Variants in CMSS1 observed in about 807,000 individuals in gnomAD.
The protein encoded by CMSS1 is cms1 ribosomal small subunit homolog.
Under a neutral mutation model 43.5 loss-of-function variants are expected in CMSS1, and 33 were observed. The observed-to-expected ratio is 0.76, with a 90% CI of 0.57 to 1.01. The LOEUF (loss-of-function observed/expected upper bound fraction) is 1.01, where lower values mean the gene tolerates loss of function less well. Ranked by LOEUF, CMSS1 falls within the 50% of genes least tolerant of loss-of-function variation. CMSS1 has a pLI of 0.00. For missense variants in CMSS1, 313 were observed against 326.4 expected (o/e 0.96, Z 0.32); for synonymous variants, 115 against 117.2 (o/e 0.98, Z 0.12).
rs115196941 is a variant in CMSS1 at position 100,000,869 on chromosome 3, A to G, written c.65-146104A>G. Among the ~76,000 whole-genome samples, 664 of 152,374 alleles carry G rather than the reference A, an allele frequency of 4.4e-3. 7 individuals carry two copies. Among genetic ancestry groups the G allele is most frequent in the African/African-American group, 0.016 (651 of 41,584 alleles). On this transcript the variant is annotated intron_variant, in intron 1 of 9. Coordinates refer to ENST00000421999, the MANE Select transcript of CMSS1 (RefSeq NM_032359.4). ...GAACACTTTAACAAATATATTACTC[A>G]GTAACTATGTTGTATATAAATGTGT...
chr3:100,055,133 C>T (rs2065442860), intron 1 of CMSS1, among the ~76,000 whole-genome samples: 1 of 152,200 alleles, frequency 6.6e-6, no homozygotes, highest in African/African-American at 2.4e-5. Context: ...CCCTTCAGAA[C>T]ATTCTCAGCA....
intron 1 of CMSS1, chr3:99,924,298 C>G: frequency 6.2e-7 from 1 of 1,614,056 alleles, no homozygotes; most frequent in South Asian, 1.1e-5. Flanking sequence ...TATGTTTTCT[C>G]TTTTCTTCCT....
chr3:100,017,860 C>A (rs996936120), intron 1 of CMSS1, among the ~76,000 whole-genome samples: 2 of 152,196 alleles, frequency 1.3e-5, no homozygotes, highest in Non-Finnish European at 1.5e-5. Context: ...CATCAGCTTT[C>A]TATTTCTCAG....
At chr3:99,959,183 C>A (rs1022222576) in intron 1 of CMSS1, among the ~76,000 whole-genome samples, 1 of 152,214 alleles carries the variant, frequency 6.6e-6, no homozygotes, top group Non-Finnish European at 1.5e-5. Context: ...GAGTCTCACT[C>A]TCTTGCCCAG....
At chr3:99,955,842 TC>T (rs1376745024) in intron 1 of CMSS1, among the ~76,000 whole-genome samples, 1 of 152,152 alleles carries the variant, frequency 6.6e-6, no homozygotes, top group African/African-American at 2.4e-5. Context: ...TTACAGATAT[TC>T]CCCCTCCAGG....
intron 1 of CMSS1, among the ~76,000 whole-genome samples, chr3:100,107,877 T>C (rs1417556913): frequency 7.7e-6 from 1 of 130,060 alleles, no homozygotes; most frequent in Non-Finnish European, 1.6e-5. Flanking sequence ...GCAAGAGAAT[T>C]AAAAAAAAAA....
chr3:100,149,778 C>T (rs1559772144), intron 2 of CMSS1, among the ~76,000 whole-genome samples: 3 of 152,162 alleles, frequency 2.0e-5, no homozygotes, highest in Admixed American at 6.5e-5. Context: ...TTAATTGGCA[C>T]TCATTATTTG....
chr3:100,180,803 G>C lies in CMSS1; in HGVS notation c.*2415G>C, dbSNP rs1448803046. 1 of 152,076 alleles carries C rather than the reference G, an allele frequency of 6.6e-6. No homozygotes were observed. Among genetic ancestry groups the C allele is most frequent in the Non-Finnish European group, 1.5e-5 (1 of 68,006 alleles). 9.4% of individuals were successfully genotyped at this position (152,076 alleles called of 1,614,324 possible). On this transcript the variant is annotated 3_prime_UTR_variant, in exon 10 of 10. Transcript: ENST00000421999. ...ATTTTTTAGGTATCTTTATAGAAATGTCCCACTTCTCTGGTACCAATTTTT... is the reference window on the plus strand; with the variant it reads ...ATTTTTTAGGTATCTTTATAGAAATCTCCCACTTCTCTGGTACCAATTTTT...
chr3:99,991,292 C>G (rs1011824193), intron 1 of CMSS1, among the ~76,000 whole-genome samples: 1 of 152,142 alleles, frequency 6.6e-6, no homozygotes, highest in Non-Finnish European at 1.5e-5. Flanking sequence ...TGAGGCCTAC[C>G]TGCAGGGGCA....
intron 1 of CMSS1, among the ~76,000 whole-genome samples, chr3:100,069,733 G>C (rs910127333): frequency 6.6e-6 from 1 of 152,170 alleles, no homozygotes; most frequent in Non-Finnish European, 1.5e-5. Flanking sequence ...TGTTTTGACA[G>C]ATCTCTTTTC....
At chr3:100,151,100 C>A (rs1048215539) in intron 2 of CMSS1, among the ~76,000 whole-genome samples, 1 of 152,142 alleles carries the variant, frequency 6.6e-6, no homozygotes, top group Non-Finnish European at 1.5e-5. Flanking sequence ...CTTTATTTGA[C>A]CATTGGTCAT....
intron 1 of CMSS1, among the ~76,000 whole-genome samples, chr3:99,827,905 C>T (rs755898209): frequency 1.3e-5 from 2 of 152,138 alleles, no homozygotes; most frequent in Non-Finnish European, 2.9e-5. Context: ...TGCCTGGCTT[C>T]TACCTAAATT....
rs539571772 is a variant in CMSS1, at chr3:100,062,236, C to T, written c.65-84737C>T. On this transcript the variant is annotated intron_variant, in intron 1 of 9. Coordinates refer to ENST00000421999, the MANE Select transcript of CMSS1 (RefSeq NM_032359.4). ...AGGCCATTCTCCTGCCTCAGCTGCCCGAGTAGCTGGGACTACAGGCGCTCG... is the reference window on the plus strand; with the variant it reads ...AGGCCATTCTCCTGCCTCAGCTGCCTGAGTAGCTGGGACTACAGGCGCTCG... Among the ~76,000 whole-genome samples the T allele has an allele frequency of 2.0e-4, 30 of 150,814 alleles. No homozygotes were observed. In the South Asian group the frequency reaches 5.9e-3, roughly 30 times the overall value.
At chr3:99,822,819 T>C (rs1942464305) in intron 1 of CMSS1, among the ~76,000 whole-genome samples, 1 of 152,234 alleles carries the variant, frequency 6.6e-6, no homozygotes, top group South Asian at 2.1e-4. Flanking sequence ...CTGTTTTGAT[T>C]GCTTTACATG....
intron 1 of CMSS1, among the ~76,000 whole-genome samples, chr3:99,896,788 G>C (rs771608680): frequency 6.6e-6 from 1 of 152,236 alleles, no homozygotes; most frequent in East Asian, 1.9e-4. Context: ...AACGGTTTTT[G>C]TTCCACAATA....
chr3:99,910,389 G>A (rs1706751671), intron 1 of CMSS1, among the ~76,000 whole-genome samples: 1 of 136,492 alleles, frequency 7.3e-6, no homozygotes, highest in Non-Finnish European at 1.7e-5. Flanking sequence ...CAAGACTAAT[G>A]TAACAAAAAC....
intron 1 of CMSS1, among the ~76,000 whole-genome samples, chr3:99,937,337 C>G (rs755906597): frequency 1.3e-5 from 2 of 152,184 alleles, no homozygotes; most frequent in East Asian, 3.8e-4. Context: ...AACCCCTAGC[C>G]TTTGAGTCTA....
chr3:100,083,380 C>T (rs766457268), intron 1 of CMSS1, among the ~76,000 whole-genome samples: 1 of 152,198 alleles, frequency 6.6e-6, no homozygotes, highest in Admixed American at 6.5e-5. Flanking sequence ...TGGGAACTTG[C>T]AAGACATGAA....
chr3:100,109,279 G>A (rs888472386), intron 1 of CMSS1, among the ~76,000 whole-genome samples: 5 of 151,986 alleles, frequency 3.3e-5, no homozygotes, highest in African/African-American at 7.3e-5. Context: ...AGCAGGATAC[G>A]CTGGTTGAAG....
Sources: gnomAD v4.1 joint callset for allele counts (sites outside exome capture counted in the v4.1 genomes callset) on GRCh38, gnomAD v4.1.1 for gene constraint, MANE v1.5 for transcripts, NCBI Gene and HGNC (gene_info 2026-07-23, HGNC 2026-07-21) for gene names.